Variants in ZCCHC7 observed in about 807,000 individuals in gnomAD.
ZCCHC7 encodes zinc finger CCHC domain-containing protein 7.
In ZCCHC7, 35 loss-of-function variants were observed where a neutral mutation model predicts 52.0. The ratio of observed to expected loss-of-function variants is 0.67; its 90% CI spans 0.51 to 0.89. The LOEUF is 0.89. Among genes scored for constraint, ZCCHC7 ranks in the 40% least tolerant of loss-of-function variants. The pLI is 0.00. For missense variants in ZCCHC7, 574 were observed against 649.1 expected, an observed-to-expected ratio of 0.88 and a Z score of 1.26; for synonymous variants, 217 against 221.5, an observed-to-expected ratio of 0.98 and a Z score of 0.18.
intron 2 of ZCCHC7, among the ~76,000 whole-genome samples, chr9:37,141,785 C>T (rs1283042775): frequency 1.3e-5 from 2 of 151,836 alleles, no homozygotes; most frequent in Non-Finnish European, 3.0e-5. Flanking sequence ...AGCATATGAA[C>T]ATGCCTTTGA....
chr9:37,304,153 C>T, intron 3 of ZCCHC7, 35 bp from the exon 4 acceptor site: 1 of 1,576,926 alleles, frequency 6.3e-7, no homozygotes, highest in Middle Eastern at 1.7e-4. Context: ...AGCAGTGAAA[C>T]AATTTTTTTA....
chr9:37,259,502 A>C (rs1398976448), intron 2 of ZCCHC7, among the ~76,000 whole-genome samples: 1 of 152,166 alleles, frequency 6.6e-6, no homozygotes, highest in East Asian at 1.9e-4. Context: ...ATTTTTTGAT[A>C]ATTTTTGATT....
intron 2 of ZCCHC7, among the ~76,000 whole-genome samples, chr9:37,201,853 A>C (rs1351334163): frequency 6.6e-6 from 1 of 152,206 alleles, no homozygotes; most frequent in Non-Finnish European, 1.5e-5. Flanking sequence ...TACAAAACTC[A>C]TATTATCTGC....
chr9:37,188,075 T>TC (rs2133083525), intron 2 of ZCCHC7, among the ~76,000 whole-genome samples: 1 of 152,332 alleles, frequency 6.6e-6, no homozygotes, highest in South Asian at 2.1e-4. Context: ...TCTTCCCTTC[T>TC]GGAACTTGAG....
At chr9:37,229,429 T>C (rs1825289131) in intron 2 of ZCCHC7, among the ~76,000 whole-genome samples, 1 of 152,188 alleles carries the variant, frequency 6.6e-6, no homozygotes, top group Non-Finnish European at 1.5e-5. Flanking sequence ...CTAGATGGCA[T>C]AGCCTCATGC....
chr9:37,172,749 A>G lies in ZCCHC7; in HGVS notation c.610+45807A>G, dbSNP rs1036492821. On this transcript the variant is annotated intron_variant, in intron 2 of 8. Transcript: ENST00000336755. ...GAGCATCGTGGGCATTCCAGTTGTT[A>G]CTTGAGTGAGCAATGTGGGCATTGC... 4.0e-5 allele frequency among the ~76,000 whole-genome samples: 6 copies of G among 151,564 alleles called. No homozygotes were observed. In the East Asian group the frequency reaches 1.2e-3, roughly 29 times the overall value.
intron 2 of ZCCHC7, among the ~76,000 whole-genome samples, chr9:37,296,467 A>G (rs911825199): frequency 6.6e-6 from 1 of 152,134 alleles, no homozygotes; most frequent in African/African-American, 2.4e-5. Flanking sequence ...GCATTGAAAG[A>G]ATGCCATCTC....
intron 2 of ZCCHC7, among the ~76,000 whole-genome samples, chr9:37,132,701 A>C (rs545719808): frequency 6.6e-6 from 1 of 152,180 alleles, no homozygotes; most frequent in African/African-American, 2.4e-5. Context: ...AAATTGTGGA[A>C]TATTTGCATA....
chr9:37,167,361 G>A (rs1821483945), intron 2 of ZCCHC7, among the ~76,000 whole-genome samples: 1 of 151,248 alleles, frequency 6.6e-6, no homozygotes, highest in African/African-American at 2.4e-5. Context: ...TGGGATTATA[G>A]GCATGAGCCA....
At chr9:37,264,998 G>T (rs1453015251) in intron 2 of ZCCHC7, among the ~76,000 whole-genome samples, 1 of 152,206 alleles carries the variant, frequency 6.6e-6, no homozygotes, top group Non-Finnish European at 1.5e-5. Flanking sequence ...GTGTGTGGCA[G>T]TGTAGGGTAG....
intron 2 of ZCCHC7, among the ~76,000 whole-genome samples, chr9:37,258,595 A>G (rs527857933): frequency 2.0e-5 from 3 of 151,924 alleles, no homozygotes; most frequent in African/African-American, 7.2e-5. Context: ...AGCTCTACAA[A>G]AAATACAAAA....
rs1166257321 is a variant in ZCCHC7, at chr9:37,358,016, T to TC, written c.*749dup. The stretch of plus-strand genomic sequence containing the variant: ...TCAGATCTGCAGAGATGAATATTAC[T>TC]CAAAAAATTTTTTTGTTCTCTTGCA... On this transcript the variant is annotated 3_prime_UTR_variant, in exon 9 of 9. Coordinates refer to ENST00000336755, the MANE Select transcript of ZCCHC7 (RefSeq NM_032226.3). 1 of 152,206 alleles carries TC rather than the reference T, an allele frequency of 6.6e-6. No individual in the cohort carries two copies. Among genetic ancestry groups the TC allele is most frequent in the Non-Finnish European group, 1.5e-5 (1 of 68,030 alleles). The allele number at this position is 152,206 out of a possible 1,614,324, so 9.4% of individuals were successfully genotyped here.
intron 2 of ZCCHC7, among the ~76,000 whole-genome samples, chr9:37,242,958 G>T (rs905987590): frequency 2.0e-5 from 3 of 151,778 alleles, no homozygotes; most frequent in Non-Finnish European, 4.4e-5. Flanking sequence ...TGCCATTAGA[G>T]AAAAGCAATC....
chr9:37,224,281 C>T (rs1202039461), intron 2 of ZCCHC7, among the ~76,000 whole-genome samples: 1 of 151,994 alleles, frequency 6.6e-6, no homozygotes, highest in Admixed American at 6.6e-5. Flanking sequence ...TAATTGTTAC[C>T]AAAAGCCTTA....
intron 2 of ZCCHC7, among the ~76,000 whole-genome samples, chr9:37,249,456 C>CTTTTTTTTTT (rs60166399): frequency 5.3e-4 from 59 of 111,244 alleles, no homozygotes; most frequent in African/African-American, 8.6e-4. Flanking sequence ...CTTCTTCTTC[C>CTTTTTTTTTT]TTTTTTTTTT....
chr9:37,163,126 G>A (rs558368936), intron 2 of ZCCHC7, among the ~76,000 whole-genome samples: 6 of 152,068 alleles, frequency 3.9e-5, no homozygotes, highest in South Asian at 2.1e-4. Context: ...ACTTGAACCC[G>A]GGAGGTGGAG....
At chr9:37,348,771 T>C (rs1464420275) in intron 6 of ZCCHC7, among the ~76,000 whole-genome samples, 2 of 152,190 alleles carry the variant, frequency 1.3e-5, no homozygotes, top group Non-Finnish European at 2.9e-5. Flanking sequence ...TGTGCCCTGC[T>C]TTTTCCACCT....
intron 2 of ZCCHC7, among the ~76,000 whole-genome samples, chr9:37,204,320 A>C (rs926424690): frequency 5.3e-5 from 8 of 152,122 alleles, no homozygotes; most frequent in African/African-American, 1.9e-4. Flanking sequence ...ATTAGATCCC[A>C]TATGTCACTT....
chr9:37,357,303 T>C lies in ZCCHC7; in HGVS notation c.*35T>C. 1 of 1,543,742 alleles carries C rather than the reference T, an allele frequency of 6.5e-7. No individual in the cohort carries two copies. The highest frequency in any genetic ancestry group is 1.3e-5 in the South Asian group (1 of 77,568). The stretch of plus-strand genomic sequence containing the variant: ...CAGCCTCTGATGTGGCTTTTCATTG[T>C]TCATTTGGCCTTTGTGTCTATAACC... On this transcript the variant is annotated 3_prime_UTR_variant, in exon 9 of 9. Transcript: ENST00000336755.
Sources: allele counts gnomAD v4.1 joint callset (sites outside exome capture counted in the v4.1 genomes callset), GRCh38; gene constraint gnomAD v4.1.1; transcripts MANE v1.5; gene names NCBI Gene and HGNC (gene_info 2026-07-23, HGNC 2026-07-21).